The following MANBA variants were observed in gnomAD, a reference collection of about 807,000 sequenced individuals.
MANBA encodes beta-mannosidase.
In MANBA, 83 loss-of-function variants were observed where a neutral mutation model predicts 111.1. The ratio of observed to expected loss-of-function variants is 0.75; its 90% confidence interval spans 0.63 to 0.90. The LOEUF is 0.90. MANBA is among the 40% of genes least tolerant of loss of function. The pLI, the probability that MANBA is intolerant of heterozygous loss-of-function variation, is 0.00. For missense variants in MANBA, 1,036 were observed against 1,069.0 expected (o/e 0.97, Z 0.43); for synonymous variants, 370 against 378.7 (o/e 0.98, Z 0.27).
At chr4:102,659,029 C>T (rs1730792702) in intron 11 of MANBA, 1 of 152,124 alleles carries the variant, frequency 6.6e-6, no homozygotes, top group East Asian at 1.9e-4. Flanking sequence ...TTTTTCCACA[C>T]TGCAGAGGGA....
rs1260338432 is a variant in MANBA at position 102,689,138 on chromosome 4, C to T, written c.960+436G>A. ...GCCAAGGCAGTAGATCACTTGATAT[C>T]AGGAATTCAAGACCTGCCTGGTCAA... On this transcript the variant is annotated intron_variant, in intron 7 of 16. Coordinates refer to ENST00000647097, the MANE Select transcript of MANBA (RefSeq NM_005908.4). Among the ~76,000 whole-genome samples, 3 of 152,128 alleles carry T rather than the reference C, an allele frequency of 2.0e-5. No individual in the cohort carries two copies. The East Asian group carries it at 5.8e-4, about 29-fold the overall frequency.
At chr4:102,736,921 C>T (rs1723235508) in intron 1 of MANBA, among the ~76,000 whole-genome samples, 2 of 152,206 alleles carry the variant, frequency 1.3e-5, no homozygotes, top group African/African-American at 4.8e-5. Flanking sequence ...AAATGTCTGC[C>T]TCCAAACACA....
rs1018632616 is a variant in MANBA, at chr4:102,696,683, A to G, written c.674-5912T>C. Among the ~76,000 whole-genome samples, 7 of 152,070 alleles carry G rather than the reference A, an allele frequency of 4.6e-5. No homozygotes were observed. The South Asian group carries it at 1.5e-3, about 32-fold the overall frequency. On this transcript the variant is annotated intron_variant, in intron 5 of 16. Coordinates refer to ENST00000647097, the MANE Select transcript of MANBA (RefSeq NM_005908.4). ...GATGCTTCATCTCACTGGGGGGAAA[A>G]CCTATTCAAAGATAGCTGCCTGGAT...
rs1157404740 is a variant in MANBA at position 102,760,936 on chromosome 4, C to A, written c.-42G>T. Reference sequence around the variant, plus strand: ...ACCGAGATGTGGAGAGATCGAAAGGCAGCGCTGCAAGGGACCGGCGGTGAA... The same window carrying A: ...ACCGAGATGTGGAGAGATCGAAAGGAAGCGCTGCAAGGGACCGGCGGTGAA... On this transcript the variant is annotated 5_prime_UTR_variant, in exon 1 of 17. Transcript: ENST00000647097. 1.3e-6 allele frequency: 2 copies of A among 1,532,984 alleles called. No individual in the cohort carries two copies. Among genetic ancestry groups the A allele is most frequent in the East Asian group, 2.4e-5 (1 of 41,366 alleles). 95.0% of individuals were successfully genotyped at this position (1,532,984 alleles called of 1,614,324 possible).
At chr4:102,725,195 A>G (rs1310172565) in intron 2 of MANBA, among the ~76,000 whole-genome samples, 1 of 152,234 alleles carries the variant, frequency 6.6e-6, no homozygotes, top group Non-Finnish European at 1.5e-5. Context: ...AACTGTAAGT[A>G]TACTAAAAAC....
chr4:102,641,234 G>A (rs887506982), intron 13 of MANBA, among the ~76,000 whole-genome samples: 1 of 152,180 alleles, frequency 6.6e-6, no homozygotes, highest in African/African-American at 2.4e-5. Flanking sequence ...TGCCAGGTCA[G>A]CTAAGAACTG....
chr4:102,668,817 A>C, intron 10 of MANBA, 146 bp downstream of exon 10: 1 of 685,858 alleles, frequency 1.5e-6, no homozygotes, highest in Admixed American at 2.1e-5. Context: ...CACTGGGTAC[A>C]ATCACCTAGG....
At chr4:102,693,051 A>C (rs1186125284) in intron 5 of MANBA, among the ~76,000 whole-genome samples, 1 of 152,182 alleles carries the variant, frequency 6.6e-6, no homozygotes, top group Non-Finnish European at 1.5e-5. Context: ...TCCTGGACTT[A>C]AGAACTATTT....
At chr4:102,747,373 T>C (rs1465773521) in intron 1 of MANBA, among the ~76,000 whole-genome samples, 2 of 152,200 alleles carry the variant, frequency 1.3e-5, no homozygotes, top group Non-Finnish European at 2.9e-5. Context: ...TTCATGTTCT[T>C]CTGCCTGCTT....
rs2110193770 is a variant in MANBA at position 102,723,053 on chromosome 4, G to A, written c.379-12C>T. On this transcript the variant is annotated splice_polypyrimidine_tract_variant and intron_variant, in intron 3 of 16. Coordinates refer to ENST00000647097, the MANE Select transcript of MANBA (RefSeq NM_005908.4). ...GTAATATCAAAGCTCTAAGTTAAAG[G>A]GAACAATCAGACAAACCCATGATGT... 6.2e-7 allele frequency: 1 copy of A among 1,611,314 alleles called. No individual in the cohort carries two copies. Among genetic ancestry groups the A allele is most frequent in the Non-Finnish European group, 8.5e-7 (1 of 1,178,072 alleles).
intron 1 of MANBA, chr4:102,734,242 A>T: frequency 1.0e-6 from 1 of 988,322 alleles, no homozygotes. Context: ...CTTTCTGTTC[A>T]ATTTTGCTGT....
chr4:102,677,682 C>A (rs77249608), intron 7 of MANBA, among the ~76,000 whole-genome samples: 1 of 152,144 alleles, frequency 6.6e-6, no homozygotes, highest in Non-Finnish European at 1.5e-5. Flanking sequence ...TGTGTGAGGT[C>A]AGATTTCCTT....
chr4:102,756,341 G>A (rs1404290668), intron 1 of MANBA, among the ~76,000 whole-genome samples: 3 of 152,188 alleles, frequency 2.0e-5, no homozygotes, highest in Non-Finnish European at 4.4e-5. Flanking sequence ...GGATGAAGCT[G>A]CAAACCATCA....
intron 1 of MANBA, among the ~76,000 whole-genome samples, chr4:102,756,819 A>AAAGAAGC (rs1241374285): frequency 1.3e-5 from 2 of 149,282 alleles, no homozygotes; most frequent in Non-Finnish European, 3.0e-5. Context: ...AAAAAAAAAA[A>AAAGAAGC]AAGAAGCAGT....
At chr4:102,756,662 T>A (rs1323848042) in intron 1 of MANBA, among the ~76,000 whole-genome samples, 5 of 151,320 alleles carry the variant, frequency 3.3e-5, no homozygotes, top group Admixed American at 2.0e-4. Flanking sequence ...TAAAAATAAA[T>A]AAATATATAA....
intron 5 of MANBA, among the ~76,000 whole-genome samples, chr4:102,713,214 T>A (rs2110271983): frequency 6.6e-6 from 1 of 152,290 alleles, no homozygotes; most frequent in African/African-American, 2.4e-5. Context: ...ACACACCACA[T>A]TCTTTCTTAC....
chr4:102,685,613 C>T (rs1324045644), intron 7 of MANBA, among the ~76,000 whole-genome samples: 2 of 152,110 alleles, frequency 1.3e-5, no homozygotes, highest in Admixed American at 1.3e-4. Context: ...CTTTCTAACT[C>T]TTTTTAGTCT....
chr4:102,757,194 T>C (rs1210926815), intron 1 of MANBA, among the ~76,000 whole-genome samples: 1 of 152,126 alleles, frequency 6.6e-6, no homozygotes, highest in Non-Finnish European at 1.5e-5. Flanking sequence ...CCAGGCATGG[T>C]GGCACATGCC....
chr4:102,707,498 C>T (rs1733354174), intron 5 of MANBA, among the ~76,000 whole-genome samples: 1 of 151,992 alleles, frequency 6.6e-6, no homozygotes, highest in Non-Finnish European at 1.5e-5. Context: ...AGCATAAAAC[C>T]ACTGGTTGAG....
Sources: allele counts gnomAD v4.1 joint callset (sites outside exome capture counted in the v4.1 genomes callset), GRCh38; gene constraint gnomAD v4.1.1; transcripts MANE v1.5; gene names NCBI Gene and HGNC (gene_info 2026-07-23, HGNC 2026-07-21).